The following PRKN variants were observed in gnomAD, a reference collection of about 807,000 sequenced individuals.
The protein encoded by PRKN is parkin RBR E3 ubiquitin protein ligase.
Under a neutral mutation model 59.5 loss-of-function variants are expected in PRKN, and 56 were observed. That is an observed-to-expected ratio of 0.94 (90% CI 0.76 to 1.18). PRKN has a LOEUF of 1.18. PRKN is among the 50% of genes most tolerant of loss of function. PRKN has a pLI of 0.00. For synonymous variants in PRKN, 250 were observed against 222.1 expected (o/e 1.13, Z -1.12); for missense variants, 657 against 596.4 (o/e 1.10, Z -1.06).
intron 1 of PRKN, among the ~76,000 whole-genome samples, chr6:162,514,429 C>T (rs894139067): frequency 7.9e-5 from 12 of 152,158 alleles, no homozygotes; most frequent in African/African-American, 2.9e-4. Context: ...AGGCTCAATG[C>T]ATCCGTTCCT....
intron 2 of PRKN, among the ~76,000 whole-genome samples, chr6:162,352,823 G>C (rs1303217957): frequency 6.6e-6 from 1 of 152,202 alleles, no homozygotes; most frequent in East Asian, 1.9e-4. Context: ...TTCTAGATTT[G>C]ATTACACATC....
At chr6:162,418,613 AGTGTGTGTGTGTGT>A (rs140621171) in intron 2 of PRKN, among the ~76,000 whole-genome samples, 9 of 126,324 alleles carry the variant, frequency 7.1e-5, no homozygotes, top group Non-Finnish European at 1.3e-4. Flanking sequence ...AGGGACAGAC[AGTGTGTGTGTGTGT>A]GTGTGTGTGT....
intron 1 of PRKN, among the ~76,000 whole-genome samples, chr6:162,509,747 G>C (rs1777512347): frequency 6.6e-6 from 1 of 152,254 alleles, no homozygotes; most frequent in Non-Finnish European, 1.5e-5. Context: ...GTCATTAGTT[G>C]TTTTATTACA....
intron 3 of PRKN, among the ~76,000 whole-genome samples, chr6:162,204,113 C>T (rs1784840727): frequency 6.6e-6 from 1 of 152,078 alleles, no homozygotes; most frequent in Non-Finnish European, 1.5e-5. Context: ...CATCCTAAAA[C>T]TAGGGATGTT....
Position 162,298,627 on chromosome 6 carries a change from C to T in PRKN, c.172-35862G>A, listed in dbSNP as rs866507930. On this transcript the variant is annotated intron_variant, in intron 2 of 11. Transcript: ENST00000366898. ...TCTCCCACCCCCCCACCACCCCCCA[C>T]CCCCCAACCCCATGAGGTCAGCATG... 4.5e-4 allele frequency among the ~76,000 whole-genome samples: 66 copies of T among 146,300 alleles called. No homozygotes were observed. In the Middle Eastern group the frequency reaches 0.014, roughly 31 times the overall value.
chr6:161,741,949 T>G (rs991994782), intron 7 of PRKN, among the ~76,000 whole-genome samples: 1 of 78,908 alleles, frequency 1.3e-5, no homozygotes, highest in Non-Finnish European at 2.9e-5. Flanking sequence ...GGGATTTATT[T>G]ATTTATTTAT....
intron 1 of PRKN, among the ~76,000 whole-genome samples, chr6:162,501,331 T>A (rs1454962470): frequency 6.7e-6 from 1 of 149,642 alleles, no homozygotes; most frequent in Non-Finnish European, 1.5e-5. Flanking sequence ...AACTTCATTA[T>A]GTTTCTAAAT....
chr6:162,476,943 C>A (rs764824063), intron 1 of PRKN, among the ~76,000 whole-genome samples: 9 of 152,080 alleles, frequency 5.9e-5, no homozygotes, highest in Non-Finnish European at 1.0e-4. Flanking sequence ...GTTCTGAAAT[C>A]CTGCCTGTGG....
chr6:161,567,037 T>TTTGTGTGTGTG lies in PRKN; in HGVS notation c.933+2317_933+2318insCACACACACAA, dbSNP rs548743646. On this transcript the variant is annotated intron_variant, in intron 8 of 11. Coordinates refer to ENST00000366898, the MANE Select transcript of PRKN (RefSeq NM_004562.3). Reference sequence around the variant, plus strand: ...CACTGTCCTTGTTTTTTTTTTTTTTTTGTGTGTGTGTGTGTGTGTGTGAGA... The same window carrying TTTGTGTGTGTG: ...CACTGTCCTTGTTTTTTTTTTTTTTTTTGTGTGTGTGTGTGTGTGTGTGTGTGTGTGTGAGA... Among the ~76,000 whole-genome samples the TTTGTGTGTGTG allele has an allele frequency of 1.1e-4, 11 of 103,770 alleles. No homozygotes were observed. The East Asian group carries it at 1.1e-3, about 10-fold the overall frequency. 68.1% of individuals were successfully genotyped at this position (103,770 alleles called of 152,430 possible).
In PRKN at chr6:161,592,476, C is replaced by A. The variant is rs998401588; in HGVS notation, c.872-23060G>T. 1.3e-5 allele frequency among the ~76,000 whole-genome samples: 2 copies of A among 152,066 alleles called. No homozygotes were observed. The highest frequency in any genetic ancestry group is 6.5e-5 in the Admixed American group (1 of 15,270). On this transcript the variant is annotated intron_variant, in intron 7 of 11. Transcript: ENST00000366898. The surrounding 1 kb of genome is among the most constrained non-coding windows in gnomAD (Gnocchi z 4.8). ...GATGATATTAATGTTCTGATTATGCCTATATTCCTTCTACAAATATATATG... is the reference window on the plus strand; with the variant it reads ...GATGATATTAATGTTCTGATTATGCATATATTCCTTCTACAAATATATATG...
chr6:162,593,416 A>G (rs1427122783), intron 1 of PRKN, among the ~76,000 whole-genome samples: 1 of 152,202 alleles, frequency 6.6e-6, no homozygotes, highest in East Asian at 1.9e-4. Context: ...CAATCTATCA[A>G]TATCAATAAT....
intron 7 of PRKN, among the ~76,000 whole-genome samples, chr6:161,693,835 T>C (rs981789906): frequency 1.3e-5 from 2 of 152,198 alleles, no homozygotes; most frequent in Admixed American, 1.3e-4. Flanking sequence ...TAAATATTAG[T>C]CTAATGTGCT....
chr6:161,884,012 T>C (rs1387501818), intron 6 of PRKN, among the ~76,000 whole-genome samples: 2 of 151,128 alleles, frequency 1.3e-5, no homozygotes, highest in Non-Finnish European at 3.0e-5. Context: ...TTGTTACTCT[T>C]GAAAATGAAG....
At chr6:161,854,578 C>A (rs1793568102) in intron 6 of PRKN, among the ~76,000 whole-genome samples, 1 of 152,052 alleles carries the variant, frequency 6.6e-6, no homozygotes, top group South Asian at 2.1e-4. Context: ...CATATAACTG[C>A]ACTTACATAC....
Position 161,973,404 on chromosome 6 carries a change from T to G in PRKN, c.632A>C (p.Lys211Thr). ...GTCAGAGGTGGGGTGTGCTCCACAT[T>G]TAAAGAAAAATTCCTGAAAGAAAGA... ...CPGTSAEFFF[K>T]CGAHPTSDKE... Residue 211 changes from lysine to threonine, a missense_variant, in exon 6 of 12, where the codon AAA becomes ACA. By Grantham distance (78) the Lys-to-Thr change is moderately conservative. Transcript: ENST00000366898. 3 of 1,607,158 alleles carry G rather than the reference T, an allele frequency of 1.9e-6. No homozygotes were observed. The highest frequency in any genetic ancestry group is 2.6e-6 in the Non-Finnish European group (3 of 1,173,728).
At chr6:161,403,415 A>G (rs1343608571) in intron 9 of PRKN, among the ~76,000 whole-genome samples, 1 of 152,214 alleles carries the variant, frequency 6.6e-6, no homozygotes, top group Non-Finnish European at 1.5e-5. Flanking sequence ...AATTTTCAAA[A>G]GGCTAATAGC....
At chr6:162,565,120 T>C (rs1022302696) in intron 1 of PRKN, among the ~76,000 whole-genome samples, 4 of 152,156 alleles carry the variant, frequency 2.6e-5, no homozygotes, top group Non-Finnish European at 5.9e-5. Context: ...TGCCAGGGGA[T>C]AAAGTTAAGG....
intron 7 of PRKN, among the ~76,000 whole-genome samples, chr6:161,748,115 T>C (rs148979946): frequency 1.4e-4 from 22 of 152,336 alleles, no homozygotes; most frequent in African/African-American, 4.8e-4. Context: ...CTCAGACTTC[T>C]GTGTGACAGT....
intron 3 of PRKN, among the ~76,000 whole-genome samples, chr6:162,252,324 A>T (rs551009757): frequency 6.6e-6 from 1 of 152,328 alleles, no homozygotes; most frequent in Admixed American, 6.5e-5. Context: ...TTCAGGAATA[A>T]GGTTTGCCTA....
Sources: allele counts gnomAD v4.1 joint callset (sites outside exome capture counted in the v4.1 genomes callset), GRCh38; gene constraint gnomAD v4.1.1; non-coding constraint Gnocchi (gnomAD v3.1); transcripts MANE v1.5; gene names NCBI Gene and HGNC (gene_info 2026-07-23, HGNC 2026-07-21).